The following EVL variants were observed in gnomAD, a reference collection of about 807,000 sequenced individuals.
EVL encodes the protein Enah/Vasp-like.
Under a neutral mutation model 59.6 loss-of-function variants are expected in EVL, and 21 were observed. The observed-to-expected ratio is 0.35, with a 90% confidence interval of 0.25 to 0.51. The LOEUF (loss-of-function observed/expected upper bound fraction) is 0.51, where lower values mean the gene tolerates loss of function less well. Among genes scored for constraint, EVL ranks in the 20% least tolerant of loss-of-function variants. The pLI is 0.97. For missense variants in EVL, 462 were observed against 546.6 expected, an observed-to-expected ratio of 0.85 and a Z score of 1.54; for synonymous variants, 198 against 203.5, an observed-to-expected ratio of 0.97 and a Z score of 0.23.
In EVL at chr14:100,065,491, C is replaced by T. The variant is rs368699221; in HGVS notation, c.-10C>T. 1.3e-6 allele frequency: 2 copies of T among 1,519,150 alleles called. No homozygotes were observed. Among genetic ancestry groups the T allele is most frequent in the Non-Finnish European group, 1.8e-6 (2 of 1,122,502 alleles). 94.1% of individuals were successfully genotyped at this position (1,519,150 alleles called of 1,614,324 possible). A position where few individuals can be genotyped will look rare whatever the true frequency, so the allele number is the denominator to read the frequency against. ...CTCCTCAGGGTTCCCTGTGCTGCCA[C>T]TTTTCAGCCATGGCCACAAGGTGAG... On this transcript the variant is annotated 5_prime_UTR_variant, in exon 1 of 14. Coordinates refer to ENST00000392920, the MANE Select transcript of EVL (RefSeq NM_016337.3).
At chr14:100,010,971 G>A (rs1255308019) in intron 1 of EVL, among the ~76,000 whole-genome samples, 1 of 152,158 alleles carries the variant, frequency 6.6e-6, no homozygotes, top group African/African-American at 2.4e-5. Flanking sequence ...GGAACATAGT[G>A]CCCTCCTCAA....
At chr14:100,129,950 GCAGAGATAAATGTGGAGACAATTT>G (rs1888326296) in intron 7 of EVL, among the ~76,000 whole-genome samples, 4 of 152,234 alleles carry the variant, frequency 2.6e-5, no homozygotes, top group Admixed American at 2.6e-4. Flanking sequence ...CCTGTCCTGA[GCAGAGATAAATGTGGAGACAATTT>G]CAGAGATAAA....
intron 1 of EVL, among the ~76,000 whole-genome samples, chr14:100,068,578 T>C (rs1595125389): frequency 6.6e-6 from 1 of 151,392 alleles, no homozygotes; most frequent in South Asian, 2.1e-4. Flanking sequence ...AGGTAAGAGG[T>C]GAGGGTGGTT....
intron 13 of EVL, 122 bp downstream of exon 13, chr14:100,141,915 G>T (rs1046561009): frequency 2.9e-6 from 2 of 699,440 alleles, no homozygotes; most frequent in Non-Finnish European, 4.4e-6. Flanking sequence ...GGCCCTGTGA[G>T]AGATTTCATT....
chr14:100,040,862 CAT>C (rs1390125608), intron 1 of EVL, among the ~76,000 whole-genome samples: 1 of 152,130 alleles, frequency 6.6e-6, no homozygotes, highest in African/African-American at 2.4e-5. Flanking sequence ...GATGTAATAA[CAT>C]AAAGTTACTT....
chr14:100,128,809 A>C (rs1209829354), intron 6 of EVL, 61 bp downstream of exon 6: 31 of 1,452,214 alleles, frequency 2.1e-5, no homozygotes, highest in Non-Finnish European at 3.0e-5. Context: ...CCATCTGCAG[A>C]GCGCTTGTGT....
chr14:100,013,192 T>G (rs1219037774), intron 1 of EVL, among the ~76,000 whole-genome samples: 1 of 152,212 alleles, frequency 6.6e-6, no homozygotes, highest in Non-Finnish European at 1.5e-5. Flanking sequence ...GGACTCTCTT[T>G]GACTAGGGTC....
chr14:100,026,908 C>G (rs1211429935), intron 1 of EVL, among the ~76,000 whole-genome samples: 2 of 152,130 alleles, frequency 1.3e-5, no homozygotes, highest in Non-Finnish European at 2.9e-5. Flanking sequence ...GAATCTACAA[C>G]CATGTGGATC....
chr14:100,106,930 TCTC>T (rs1250476027), intron 3 of EVL: 1 of 398,534 alleles, frequency 2.5e-6, no homozygotes, highest in Non-Finnish European at 4.4e-6. Flanking sequence ...ATGCTCCTCT[TCTC>T]CTCCAGTGCC....
chr14:100,083,707 T>C (rs2062365765), intron 1 of EVL, among the ~76,000 whole-genome samples: 1 of 152,256 alleles, frequency 6.6e-6, no homozygotes. Context: ...CAAAGTATGG[T>C]GCAGCCATCT....
chr14:100,084,277 T>C (rs546118888), intron 1 of EVL, among the ~76,000 whole-genome samples: 1 of 152,116 alleles, frequency 6.6e-6, no homozygotes, highest in Admixed American at 6.6e-5. Flanking sequence ...GGTCCTGACC[T>C]CAAGTGGACC....
intron 1 of EVL, among the ~76,000 whole-genome samples, chr14:100,013,001 A>G (rs960019810): frequency 1.1e-4 from 16 of 152,232 alleles, no homozygotes; most frequent in Admixed American, 5.9e-4. Context: ...TTGCATACCA[A>G]GCATGCTGTT....
At chr14:100,051,607 C>T (rs573238642) in intron 1 of EVL, among the ~76,000 whole-genome samples, 1 of 152,132 alleles carries the variant, frequency 6.6e-6, no homozygotes, top group Admixed American at 6.5e-5. Flanking sequence ...GACTGCGTAC[C>T]TCTGGTTCTT....
intron 1 of EVL, among the ~76,000 whole-genome samples, chr14:100,047,173 G>A (rs761711583): frequency 2.2e-4 from 27 of 120,132 alleles, no homozygotes; most frequent in Middle Eastern, 8.9e-3. Context: ...TCAGGAAGCC[G>A]TTAAACCTAG....
At position 100,128,537 on chromosome 14, in the gene EVL, G is replaced by A; in HGVS notation, c.506G>A (p.Gly169Glu). 2 of 1,611,626 alleles carry A rather than the reference G, an allele frequency of 1.2e-6. No individual in the cohort carries two copies. The highest frequency in any genetic ancestry group is 1.7e-6 in the Non-Finnish European group (2 of 1,179,820). ...GTTTCAGGGCCCATCCTCCCACCAG[G>A]ACATCCTTCATCTGCAGCCAGCGCC... ...TSATGPILPPGHPSSAASAPV... is the reference protein window; with the variant it reads ...TSATGPILPPEHPSSAASAPV... The change falls in exon 6 of 14, where the codon GGA becomes GAA. Residue 169 changes from glycine (G) to glutamate (E), a missense_variant. Coordinates refer to ENST00000392920, the MANE Select transcript of EVL (RefSeq NM_016337.3).
Position 100,103,730 on chromosome 14 carries a change from CTG to C in EVL, c.358+6074_358+6075del, listed in dbSNP as rs1356879635. 8.5e-5 allele frequency among the ~76,000 whole-genome samples: 13 copies of C among 152,050 alleles called. No individual in the cohort carries two copies. In the East Asian group the frequency reaches 2.5e-3, roughly 29 times the overall value. On this transcript the variant is annotated intron_variant, in intron 3 of 13. Coordinates refer to ENST00000392920, the MANE Select transcript of EVL (RefSeq NM_016337.3). Reference sequence around the variant, plus strand: ...GGCTGCTGTTTGGTCTCCCACAAGGCTGTTGTGAGAGGCAGAGACACAGCAGC... The same window carrying C: ...GGCTGCTGTTTGGTCTCCCACAAGGCTTGTGAGAGGCAGAGACACAGCAGC...
At chr14:100,090,153 G>A (rs1429868025) in intron 2 of EVL, among the ~76,000 whole-genome samples, 1 of 151,744 alleles carries the variant, frequency 6.6e-6, no homozygotes, top group Admixed American at 6.6e-5. Context: ...AAAATGTCGC[G>A]GTTTTTTTGA....
At chr14:100,060,447 A>AT (rs1491092133), upstream of EVL, among the ~76,000 whole-genome samples, 1 of 151,992 alleles carries the variant, frequency 6.6e-6, no homozygotes, top group African/African-American at 2.4e-5. Context: ...AAAAAAAAAA[A>AT]ACTTGCCCAG....
chr14:100,135,592 C>T (rs1017686557), intron 8 of EVL: 17 of 326,988 alleles, frequency 5.2e-5, no homozygotes, highest in Admixed American at 1.2e-4. Context: ...AGATGACATA[C>T]GGGAGGCATC....
Sources: gnomAD v4.1 joint callset for allele counts (sites outside exome capture counted in the v4.1 genomes callset) on GRCh38, gnomAD v4.1.1 for gene constraint, MANE v1.5 for transcripts, NCBI Gene and HGNC (gene_info 2026-07-23, HGNC 2026-07-21) for gene names.